PLD5: variants seen among roughly 807,000 people sequenced by gnomAD.
PLD5 encodes the protein inactive phospholipase D5.
In PLD5, 36 loss-of-function variants were observed where a neutral mutation model predicts 61.1. That is an observed-to-expected ratio of 0.59 (90% CI 0.45 to 0.78). The LOEUF is 0.78. Among genes scored for constraint, PLD5 ranks in the 30% least tolerant of loss-of-function variants. The probability of loss-of-function intolerance (pLI) is 0.00; values close to 1 mark genes in which losing one functional copy is unlikely to be tolerated. For synonymous variants in PLD5, 243 were observed against 242.8 expected (o/e 1.00, Z -0.01); for missense variants, 515 against 644.4 (o/e 0.80, Z 2.17).
intron 1 of PLD5, among the ~76,000 whole-genome samples, chr1:242,381,361 G>GGAGGGAAACAACAC (rs1490532373): frequency 6.6e-6 from 1 of 152,126 alleles, no homozygotes; most frequent in Non-Finnish European, 1.5e-5. Context: ...ATGGACACAG[G>GGAGGGAAACAACAC]GAGGGAAACA....
At chr1:242,238,837 G>C (rs924221302) in intron 4 of PLD5, among the ~76,000 whole-genome samples, 1 of 152,208 alleles carries the variant, frequency 6.6e-6, no homozygotes, top group Non-Finnish European at 1.5e-5. Flanking sequence ...GGACCTCAGG[G>C]AGAGTGGTGG....
At chr1:242,471,223 T>C (rs976616169) in intron 1 of PLD5, among the ~76,000 whole-genome samples, 1 of 152,118 alleles carries the variant, frequency 6.6e-6, no homozygotes, top group South Asian at 2.1e-4. Context: ...ACCTGCAAAT[T>C]CCTCCATCTC....
chr1:242,421,559 C>T (rs149474721), intron 1 of PLD5, among the ~76,000 whole-genome samples: 68 of 152,236 alleles, frequency 4.5e-4, no homozygotes, highest in African/African-American at 5.8e-4. Flanking sequence ...CCAGGAGATA[C>T]GGGATTTCAT....
intron 1 of PLD5, among the ~76,000 whole-genome samples, chr1:242,491,828 A>G (rs1407035796): frequency 6.6e-6 from 1 of 152,198 alleles, no homozygotes; most frequent in African/African-American, 2.4e-5. Context: ...TGTCTCCATG[A>G]AACTGTTGGA....
chr1:242,144,014 C>G (rs1664365622), intron 5 of PLD5, among the ~76,000 whole-genome samples: 1 of 151,676 alleles, frequency 6.6e-6, no homozygotes, highest in Non-Finnish European at 1.5e-5. Context: ...AGACTACAGG[C>G]TCCCGCCACC....
At chr1:242,389,388 A>G (rs1003259284) in intron 1 of PLD5, among the ~76,000 whole-genome samples, 1 of 152,126 alleles carries the variant, frequency 6.6e-6, no homozygotes, top group African/African-American at 2.4e-5. Flanking sequence ...ATCCAAAAAA[A>G]CAGTTTGCAT....
rs116231185 is a variant in PLD5 at position 242,142,676 on chromosome 1, C to T, written c.736-18011G>A. Among the ~76,000 whole-genome samples, 8 of 151,964 alleles carry T rather than the reference C, an allele frequency of 5.3e-5. No individual in the cohort carries two copies. In the East Asian group the frequency reaches 5.8e-4, roughly 11 times the overall value. Reference sequence around the variant, plus strand: ...AAGGATTTTTAACCTCTGGATCATGCGTGGAGTACAAATGCTGTAAGGTGT... The same window carrying T: ...AAGGATTTTTAACCTCTGGATCATGTGTGGAGTACAAATGCTGTAAGGTGT... On this transcript the variant is annotated intron_variant, in intron 5 of 9. Transcript: ENST00000536534.
chr1:242,105,067 T>A (rs1410531635), intron 8 of PLD5, among the ~76,000 whole-genome samples: 1 of 152,086 alleles, frequency 6.6e-6, no homozygotes, highest in Non-Finnish European at 1.5e-5. Flanking sequence ...TATTGTAGGG[T>A]GGAGAGATGA....
chr1:242,523,501 C>T lies in PLD5; in HGVS notation c.189+587G>A, dbSNP rs1572289779. Reference sequence around the variant, plus strand: ...TCTGGGGAGCCCGACGATCCGCTCGCTTTTAGCCTTTCTCCTTGCAACGCG... The same window carrying T: ...TCTGGGGAGCCCGACGATCCGCTCGTTTTTAGCCTTTCTCCTTGCAACGCG... On this transcript the variant is annotated intron_variant, in intron 1 of 9. Coordinates refer to ENST00000536534, the MANE Select transcript of PLD5 (RefSeq NM_001372062.1). 2.6e-5 allele frequency among the ~76,000 whole-genome samples: 4 copies of T among 151,868 alleles called. No individual in the cohort carries two copies. The South Asian group carries it at 8.3e-4, about 31-fold the overall frequency.
rs115858057 is a variant in PLD5 at position 242,488,958 on chromosome 1, T to C, written c.189+35130A>G. On this transcript the variant is annotated intron_variant, in intron 1 of 9. Transcript: ENST00000536534. ...TGATGATTAAAACTTGAAAATGAAT[T>C]CTAGTAATAGTAGCAACAAGAATGT... Among the ~76,000 whole-genome samples the C allele has an allele frequency of 6.9e-3, 1,053 of 152,302 alleles. 14 individuals carry two copies. The highest frequency in any genetic ancestry group is 0.024 in the African/African-American group (987 of 41,562).
chr1:242,089,799 G>C lies in PLD5; in HGVS notation c.*55C>G, dbSNP rs925973216. The C allele has an allele frequency of 3.8e-6, 6 of 1,599,222 alleles. No homozygotes were observed. In the African/African-American group the frequency reaches 8.1e-5, roughly 22 times the overall value. On this transcript the variant is annotated 3_prime_UTR_variant, in exon 10 of 10. Coordinates refer to ENST00000536534, the MANE Select transcript of PLD5 (RefSeq NM_001372062.1). ...ATTAAAGTGTTTTTTCTCTCCTCAA[G>C]TCCTTTATGTATAAATATGAAATAC... is the stretch of plus-strand genomic sequence containing the variant.
intron 4 of PLD5, among the ~76,000 whole-genome samples, chr1:242,232,504 T>C (rs1041444712): frequency 1.3e-5 from 2 of 152,192 alleles, no homozygotes; most frequent in Middle Eastern, 3.4e-3. Context: ...GAACATAAAA[T>C]ATGTGCTGCA....
At chr1:242,515,641 T>C (rs1558162828) in intron 1 of PLD5, among the ~76,000 whole-genome samples, 1 of 152,240 alleles carries the variant, frequency 6.6e-6, no homozygotes, top group Non-Finnish European at 1.5e-5. Context: ...TAAAATCTCT[T>C]TTCAATGCTC....
intron 1 of PLD5, among the ~76,000 whole-genome samples, chr1:242,452,106 G>A (rs893587167): frequency 2.6e-5 from 4 of 152,108 alleles, no homozygotes; most frequent in African/African-American, 9.7e-5. Flanking sequence ...TCACGGGGGC[G>A]CACCATCCTT....
At chr1:242,171,404 A>C (rs1666736658) in intron 5 of PLD5, among the ~76,000 whole-genome samples, 1 of 152,208 alleles carries the variant, frequency 6.6e-6, no homozygotes, top group African/African-American at 2.4e-5. Flanking sequence ...ATGGAAAGGA[A>C]CACCTGGTAC....
At chr1:242,405,057 T>C (rs1210338232) in intron 1 of PLD5, among the ~76,000 whole-genome samples, 34 of 151,770 alleles carry the variant, frequency 2.2e-4, no homozygotes, top group Non-Finnish European at 1.5e-5. Flanking sequence ...ATGTTTGTAT[T>C]TTAAATAGAG....
chr1:242,263,684 C>T (rs1372737322), intron 4 of PLD5, among the ~76,000 whole-genome samples: 3 of 152,142 alleles, frequency 2.0e-5, no homozygotes, highest in African/African-American at 7.2e-5. Context: ...TATATTTCAA[C>T]AGAATCTAAG....
intron 3 of PLD5, among the ~76,000 whole-genome samples, chr1:242,267,131 A>T (rs28513231): frequency 7.1e-6 from 1 of 141,040 alleles, no homozygotes; most frequent in African/African-American, 2.9e-5. Flanking sequence ...TAAATAAATA[A>T]AAAAACAAAA....
chr1:242,376,505 A>G (rs1348183007), intron 1 of PLD5, among the ~76,000 whole-genome samples: 1 of 152,196 alleles, frequency 6.6e-6, no homozygotes, highest in Non-Finnish European at 1.5e-5. Flanking sequence ...TAAAAAAGGC[A>G]TTATTTTAGC....
Sources: gnomAD v4.1 joint callset for allele counts (sites outside exome capture counted in the v4.1 genomes callset) on GRCh38, gnomAD v4.1.1 for gene constraint, MANE v1.5 for transcripts, NCBI Gene and HGNC (gene_info 2026-07-23, HGNC 2026-07-21) for gene names.